The following TCF12 variants were observed in gnomAD, a reference collection of about 807,000 sequenced individuals.
The protein encoded by TCF12 is transcription factor 12, also known as DNA-binding protein HTF4.
A neutral mutation model predicts 86.0 loss-of-function variants in TCF12; 45 were observed. That is an observed-to-expected ratio of 0.52 (90% CI 0.41 to 0.67). TCF12 has a LOEUF of 0.67. TCF12 is among the 30% of genes least tolerant of loss of function. TCF12 has a pLI of 0.00. For missense variants in TCF12, 881 were observed against 859.9 expected, an observed-to-expected ratio of 1.02 and a Z score of -0.31; for synonymous variants, 330 against 299.6, an observed-to-expected ratio of 1.10 and a Z score of -1.05.
intron 3 of TCF12, among the ~76,000 whole-genome samples, chr15:56,972,531 C>A (rs1184885306): frequency 6.6e-6 from 1 of 152,098 alleles, no homozygotes; most frequent in Admixed American, 6.5e-5. Context: ...AGCATCTATA[C>A]CACACTTGCT....
intron 16 of TCF12, among the ~76,000 whole-genome samples, chr15:57,259,127 G>A (rs1331615236): frequency 6.6e-6 from 1 of 151,744 alleles, no homozygotes; most frequent in Non-Finnish European, 1.5e-5. Context: ...CTTTTTTAAG[G>A]GTTTTGGTAA....
chr15:57,234,968 G>A (rs2059320754), intron 12 of TCF12, among the ~76,000 whole-genome samples: 1 of 152,172 alleles, frequency 6.6e-6, no homozygotes, highest in Admixed American at 6.5e-5. Context: ...GGAGAAGGCA[G>A]AGCACGTTAA....
intron 8 of TCF12, among the ~76,000 whole-genome samples, chr15:57,203,706 C>T (rs1444943490): frequency 1.3e-5 from 2 of 152,162 alleles, no homozygotes; most frequent in East Asian, 1.9e-4. Flanking sequence ...AAAGCTGTTA[C>T]TGTAATTTCT....
intron 3 of TCF12, among the ~76,000 whole-genome samples, chr15:56,972,818 T>A (rs534170885): frequency 6.6e-6 from 1 of 152,282 alleles, no homozygotes; most frequent in East Asian, 1.9e-4. Context: ...CTCATCTGTA[T>A]TTCAAATGAG....
intron 4 of TCF12, among the ~76,000 whole-genome samples, chr15:57,074,966 A>G (rs1257747150): frequency 6.6e-6 from 1 of 152,220 alleles, no homozygotes; most frequent in Non-Finnish European, 1.5e-5. Context: ...TCATATACTT[A>G]AACACTTTTA....
chr15:57,190,679 G>T (rs11071309), intron 6 of TCF12, among the ~76,000 whole-genome samples: 57,719 of 151,872 alleles, frequency 0.38, 13,663 homozygotes, highest in Non-Finnish European at 0.52. Flanking sequence ...TTGTGAGAGG[G>T]TTACTGCATT....
intron 5 of TCF12, chr15:57,118,277 C>T (rs751025773): frequency 2.0e-5 from 3 of 152,168 alleles, no homozygotes; most frequent in African/African-American, 7.2e-5. Context: ...GGCAGTGATT[C>T]ATTAGGAAAG....
chr15:57,018,330 T>C (rs1248932667), intron 3 of TCF12, among the ~76,000 whole-genome samples: 1 of 152,218 alleles, frequency 6.6e-6, no homozygotes, highest in African/African-American at 2.4e-5. Flanking sequence ...GTGTGTGGCA[T>C]TAGGTTAATT....
intron 13 of TCF12, among the ~76,000 whole-genome samples, chr15:57,249,012 G>T (rs1441134312): frequency 2.0e-5 from 3 of 152,022 alleles, no homozygotes; most frequent in African/African-American, 2.4e-5. Context: ...TGTTACGGGG[G>T]GGCTTACAGA....
At chr15:57,145,033 C>G (rs1334558490) in intron 5 of TCF12, among the ~76,000 whole-genome samples, 1 of 152,106 alleles carries the variant, frequency 6.6e-6, no homozygotes, top group East Asian at 1.9e-4. Context: ...GTATCAAATA[C>G]AATGTTTATT....
At position 57,048,348 on chromosome 15, in the gene TCF12, G is replaced by A. The variant is rs531887526; in HGVS notation, c.149-15402G>A. ...GCGATCTCGGCTCACTGTAAGCTCC[G>A]CCTCCCAGGTTCACGCCATTCTCCT... is the stretch of plus-strand genomic sequence containing the variant. On this transcript the variant is annotated intron_variant, in intron 3 of 20. Transcript: ENST00000333725. Among the ~76,000 whole-genome samples the A allele has an allele frequency of 1.9e-4, 29 of 152,146 alleles. No individual in the cohort carries two copies. In the South Asian group the frequency reaches 5.4e-3, roughly 28 times the overall value.
At position 56,927,360 on chromosome 15, in the gene TCF12, A is replaced by G. The variant is rs575958118; in HGVS notation, c.148+6262A>G. Reference sequence around the variant, plus strand: ...AAGCAAAAGGGGAAAAATTAGCTTTATTTCAGTATCCAGAGAAAATTGATT... The same window carrying G: ...AAGCAAAAGGGGAAAAATTAGCTTTGTTTCAGTATCCAGAGAAAATTGATT... On this transcript the variant is annotated intron_variant, in intron 3 of 20. Transcript: ENST00000333725. Among the ~76,000 whole-genome samples the G allele has an allele frequency of 4.6e-4, 70 of 152,294 alleles. 1 individual carries two copies. The highest frequency in any genetic ancestry group is 6.8e-3 in the Middle Eastern group (2 of 294).
intron 3 of TCF12, among the ~76,000 whole-genome samples, chr15:57,010,714 T>G (rs1357512799): frequency 6.6e-6 from 1 of 152,228 alleles, no homozygotes; most frequent in East Asian, 1.9e-4. Flanking sequence ...ACGTGTTTAC[T>G]GAAGTTCATG....
intron 5 of TCF12, among the ~76,000 whole-genome samples, chr15:57,162,840 T>C (rs562789704): frequency 6.6e-6 from 1 of 152,020 alleles, no homozygotes; most frequent in African/African-American, 2.4e-5. Context: ...TTTTTTTTTT[T>C]AAAGAGTTCT....
At chr15:57,263,684 G>A (rs1310539962) in intron 18 of TCF12, among the ~76,000 whole-genome samples, 6 of 152,122 alleles carry the variant, frequency 3.9e-5, no homozygotes, top group African/African-American at 1.4e-4. Flanking sequence ...GAAATGCATT[G>A]CTAGGCAATT....
intron 3 of TCF12, among the ~76,000 whole-genome samples, chr15:57,021,185 T>G (rs2065456609): frequency 6.6e-6 from 1 of 152,176 alleles, no homozygotes; most frequent in South Asian, 2.1e-4. Context: ...GTGTGAGCAT[T>G]TCTTGTTAGT....
chr15:57,166,061 G>T (rs1289955683), intron 5 of TCF12, among the ~76,000 whole-genome samples: 1 of 152,140 alleles, frequency 6.6e-6, no homozygotes, highest in African/African-American at 2.4e-5. Flanking sequence ...CTGAGTAGCT[G>T]GGAATACAGG....
chr15:57,054,858 AG>A, intron 3 of TCF12, among the ~76,000 whole-genome samples: 1 of 127,594 alleles, frequency 7.8e-6, no homozygotes, highest in East Asian at 2.3e-4. Flanking sequence ...GGCTATTTAG[AG>A]TTAATATTGT....
intron 4 of TCF12, among the ~76,000 whole-genome samples, chr15:57,064,230 C>G (rs8030618): frequency 0.013 from 1,977 of 152,270 alleles, 49 homozygotes; most frequent in African/African-American, 0.041. Flanking sequence ...GCATCAGGAA[C>G]TCAACAGCCC....
Sources: allele counts gnomAD v4.1 joint callset (sites outside exome capture counted in the v4.1 genomes callset), GRCh38; gene constraint gnomAD v4.1.1; transcripts MANE v1.5; gene names NCBI Gene and HGNC (gene_info 2026-07-23, HGNC 2026-07-21).